CTCF: variants seen among roughly 807,000 people sequenced by gnomAD.
CTCF encodes CCCTC-binding factor, also known as transcriptional repressor CTCF.
CTCF carries 7 observed loss-of-function variants against 72.3 expected under a neutral mutation model. The observed-to-expected ratio is 0.10, with a 90% CI of 0.06 to 0.18. The LOEUF (loss-of-function observed/expected upper bound fraction) is 0.18, where lower values mean the gene tolerates loss of function less well. Ranked by LOEUF, CTCF falls within the 10% of genes least tolerant of loss-of-function variation. CTCF has a pLI of 1.00. For synonymous variants in CTCF, 374 were observed against 315.8 expected (o/e 1.18, Z -1.95); for missense variants, 516 against 949.1 (o/e 0.54, Z 6.00).
chr16:67,578,352 A>C (rs1036006028), intron 2 of CTCF, among the ~76,000 whole-genome samples: 2 of 53,212 alleles, frequency 3.8e-5, no homozygotes, highest in African/African-American at 1.6e-4. Context: ...TTTTTTTTTG[A>C]GACAGGGTTT....
intron 2 of CTCF, among the ~76,000 whole-genome samples, chr16:67,574,436 G>T (rs1351086389): frequency 1.3e-5 from 2 of 151,972 alleles, no homozygotes; most frequent in Non-Finnish European, 2.9e-5. Flanking sequence ...CCCCCTCCCA[G>T]GTTCAAGCAG....
At chr16:67,604,730 G>GTTTTTTTTTTTTT (rs533827293) in intron 2 of CTCF, among the ~76,000 whole-genome samples, 33 of 123,718 alleles carry the variant, frequency 2.7e-4, no homozygotes, top group South Asian at 7.5e-4. Context: ...TTTCACCAGG[G>GTTTTTTTTTTTTT]TTTTTTTTTT....
At chr16:67,623,978 G>A (rs371152491) in intron 7 of CTCF, among the ~76,000 whole-genome samples, 2 of 151,538 alleles carry the variant, frequency 1.3e-5, no homozygotes. Flanking sequence ...AATCCGGGAG[G>A]GGGAGGTTGC....
At chr16:67,620,441 C>G (rs988692216) in intron 5 of CTCF, among the ~76,000 whole-genome samples, 2 of 152,180 alleles carry the variant, frequency 1.3e-5, no homozygotes, top group Non-Finnish European at 2.9e-5. Flanking sequence ...CTCAGATGAT[C>G]TGCCCACCTC....
At chr16:67,579,580 A>G (rs1440127097) in intron 2 of CTCF, among the ~76,000 whole-genome samples, 7 of 151,968 alleles carry the variant, frequency 4.6e-5, no homozygotes, top group African/African-American at 1.7e-4. Context: ...GCTGGTCTCA[A>G]ACTCCTGACC....
chr16:67,629,632 C>A, intron 10 of CTCF, 99 bp downstream of exon 10: 1 of 1,186,802 alleles, frequency 8.4e-7, no homozygotes, highest in Non-Finnish European at 1.2e-6. Context: ...GAGGCGGGCA[C>A]ACACTCTTCC....
intron 9 of CTCF, 129 bp downstream of exon 9, chr16:67,628,681 A>G: frequency 1.1e-6 from 1 of 903,396 alleles, no homozygotes; most frequent in Non-Finnish European, 1.7e-6. Context: ...GGAAAGGGTT[A>G]GTCATCCCCA....
At chr16:67,566,176 A>G (rs753308079) in intron 1 of CTCF, among the ~76,000 whole-genome samples, 2 of 152,150 alleles carry the variant, frequency 1.3e-5, no homozygotes. Context: ...AATGGCAAAT[A>G]ATGTGTAACT....
intron 2 of CTCF, among the ~76,000 whole-genome samples, chr16:67,578,325 CTTT>C (rs944395345): frequency 4.7e-5 from 4 of 84,470 alleles, no homozygotes; most frequent in East Asian, 3.5e-4. Flanking sequence ...GTTTATGTAT[CTTT>C]TTTTTTTTTT....
intron 2 of CTCF, among the ~76,000 whole-genome samples, chr16:67,575,197 C>T (rs60903668): frequency 0.01 from 1,574 of 152,242 alleles, 27 homozygotes; most frequent in African/African-American, 0.033. Context: ...TGCAATGAGC[C>T]GTGGTCCCAC....
At chr16:67,569,273 C>T (rs990083526) in intron 1 of CTCF, among the ~76,000 whole-genome samples, 2 of 151,950 alleles carry the variant, frequency 1.3e-5, no homozygotes, top group Non-Finnish European at 2.9e-5. Context: ...TGCAGCTCCG[C>T]CTCCTGGGTT....
chr16:67,605,057 T>G (rs1567605854), intron 2 of CTCF, among the ~76,000 whole-genome samples: 1 of 146,098 alleles, frequency 6.8e-6, no homozygotes, highest in Non-Finnish European at 1.5e-5. Context: ...ATGGCAAGCT[T>G]CGCCTTCCGG....
intron 7 of CTCF, among the ~76,000 whole-genome samples, chr16:67,622,142 G>A (rs2052208438): frequency 6.6e-6 from 1 of 152,092 alleles, no homozygotes; most frequent in Non-Finnish European, 1.5e-5. Context: ...GGATCACGAG[G>A]TCAGGCGATC....
At position 67,638,159 on chromosome 16, in the gene CTCF, A is replaced by G; in HGVS notation, c.*287A>G. On this transcript the variant is annotated 3_prime_UTR_variant, in exon 12 of 12. Transcript: ENST00000264010. ...CGTTTTCCTAGATGGAAACGGAGAC[A>G]TTGACCCCTCCCTCCATGTGGTAAA... The G allele has an allele frequency of 2.9e-6, 1 of 347,124 alleles. No individual in the cohort carries two copies. The highest frequency in any genetic ancestry group is 5.2e-6 in the Non-Finnish European group (1 of 191,108). 21.5% of individuals were successfully genotyped at this position (347,124 alleles called of 1,614,324 possible). A position where few individuals can be genotyped will look rare whatever the true frequency, so the allele number is the denominator to read the frequency against.
intron 2 of CTCF, among the ~76,000 whole-genome samples, chr16:67,575,916 G>T (rs1037567131): frequency 1.3e-5 from 2 of 151,082 alleles, no homozygotes; most frequent in Admixed American, 6.6e-5. Flanking sequence ...GTTGCATGTT[G>T]CAAGGGATAT....
chr16:67,612,325 C>T (rs564693305), intron 4 of CTCF: 4 of 424,684 alleles, frequency 9.4e-6, no homozygotes, highest in African/African-American at 4.1e-5. Context: ...AAAATAACAC[C>T]CTCTCTCTTA....
chr16:67,588,523 T>C (rs987720496), intron 2 of CTCF, among the ~76,000 whole-genome samples: 7 of 151,998 alleles, frequency 4.6e-5, no homozygotes, highest in Non-Finnish European at 1.0e-4. Context: ...AAAAGTGTCA[T>C]TTGGGCTATG....
chr16:67,627,057 A>G (rs1364793127), intron 8 of CTCF: 4 of 187,844 alleles, frequency 2.1e-5, no homozygotes, highest in South Asian at 1.9e-4. Context: ...AAGCAGCTCT[A>G]TCTGTGCTAC....
chr16:67,585,890 C>A (rs984776857), intron 2 of CTCF, among the ~76,000 whole-genome samples: 1 of 152,060 alleles, frequency 6.6e-6, no homozygotes, highest in East Asian at 1.9e-4. Context: ...TTCTCCCTGT[C>A]CCCCTGTTCA....
Sources: allele counts gnomAD v4.1 joint callset (sites outside exome capture counted in the v4.1 genomes callset), GRCh38; gene constraint gnomAD v4.1.1; transcripts MANE v1.5; gene names NCBI Gene and HGNC (gene_info 2026-07-23, HGNC 2026-07-21).